Variants in CENPT observed in about 807,000 individuals in gnomAD.
The protein encoded by CENPT is centromere protein T.
CENPT carries 42 observed loss-of-function variants against 59.7 expected under a neutral mutation model. That is an observed-to-expected ratio of 0.70 (90% confidence interval 0.55 to 0.91). The LOEUF is 0.91. Ranked by LOEUF, CENPT falls within the 40% of genes least tolerant of loss-of-function variation. CENPT has a pLI of 0.00. For synonymous variants in CENPT, 295 were observed against 289.6 expected (o/e 1.02, Z -0.19); for missense variants, 716 against 713.4 (o/e 1.00, Z -0.04).
chr16:67,835,428 C>T (rs547296508), intron 2 of CENPT, 110 bp downstream of exon 2: 1 of 152,152 alleles, frequency 6.6e-6, no homozygotes, highest in African/African-American at 2.4e-5. Flanking sequence ...CTTTGGGAGG[C>T]TGAGGCGGGC....
intron 4 of CENPT, 85 bp from the exon 5 acceptor site, chr16:67,832,630 T>G: frequency 8.0e-7 from 1 of 1,253,624 alleles, no homozygotes; most frequent in Non-Finnish European, 1.1e-6. Flanking sequence ...GGGGTCTTGG[T>G]CTGGAGCCGT....
At chr16:67,830,947 T>C in intron 10 of CENPT, 1 of 541,784 alleles carries the variant, frequency 1.8e-6, no homozygotes, top group Non-Finnish European at 3.3e-6. Context: ...ACCTGGCCCC[T>C]CTCAACAAGT....
At chr16:67,836,865 C>T (rs2057737325) in intron 1 of CENPT, among the ~76,000 whole-genome samples, 1 of 152,084 alleles carries the variant, frequency 6.6e-6, no homozygotes, top group South Asian at 2.1e-4. Context: ...CCTCAGCCTC[C>T]CGAGTAGCTG....
chr16:67,845,599 C>T (rs2057792360), intron 1 of CENPT, among the ~76,000 whole-genome samples: 1 of 152,178 alleles, frequency 6.6e-6, no homozygotes, highest in South Asian at 2.1e-4. Flanking sequence ...TCCTTGAGCT[C>T]CTATTTATTG....
In CENPT at chr16:67,828,765, T is replaced by C; in HGVS notation, c.1359A>G (p.Gln453=). The part of the protein sequence containing the change: ...RPRTTGPRPR[Q]DPHKAGLSHY... The stretch of plus-strand genomic sequence containing the variant: ...GGCTCAGTCCAGCCTTGTGGGGATC[T>C]TGCCGGGGCCTGGGGCCGGTGGTCC... The change falls in exon 14 of 16, where the codon CAA becomes CAG. Residue 453 remains glutamine (Q), a synonymous_variant. Coordinates refer to ENST00000562787, the MANE Select transcript of CENPT (RefSeq NM_025082.4). The C allele has an allele frequency of 6.2e-7, 1 of 1,610,916 alleles. No homozygotes were observed. The highest frequency in any genetic ancestry group is 8.5e-7 in the Non-Finnish European group (1 of 1,179,186).
rs770581188 is a variant in CENPT, at chr16:67,831,278, C to T, written c.641G>A (p.Arg214His). The T allele has an allele frequency of 1.2e-5, 19 of 1,614,044 alleles. No homozygotes were observed. The highest frequency in any genetic ancestry group is 4.0e-5 in the African/African-American group (3 of 74,932). Residue 214 changes from arginine to histidine, a missense_variant, in exon 10 of 16, where the codon CGC (arginine) becomes CAC (histidine). Arg to His is a conservative substitution (Grantham distance 29). Coordinates refer to ENST00000562787, the MANE Select transcript of CENPT (RefSeq NM_025082.4). Reference protein sequence around the residue: ...RPGLARRPPARRAVDVGAFLR... With the variant: ...RPGLARRPPAHRAVDVGAFLR... ...AAAGGCACCCACGTCTACAGCTCGG[C>T]GGGCTGGAGGTCTGCGGGCCAAGCC...
At chr16:67,837,659 G>T (rs2057741276) in intron 1 of CENPT, among the ~76,000 whole-genome samples, 1 of 152,124 alleles carries the variant, frequency 6.6e-6, no homozygotes. Context: ...AGTCAGCCAA[G>T]ATTGCACTCC....
Position 67,829,806 on chromosome 16 carries a change from G to C in CENPT, c.1145C>G (p.Pro382Arg). 1 of 1,614,212 alleles carries C rather than the reference G, an allele frequency of 6.2e-7. No homozygotes were observed. The highest frequency in any genetic ancestry group is 8.5e-7 in the Non-Finnish European group (1 of 1,180,032). ...ATCCTCATCCCCTGAAGATGCTCCT[G>C]GCCCGTCAGCCTCAGCAGTCCCCTG... ...GSQGTAEADG[P>R]GASSGDEDAS... is the part of the protein sequence containing the mutation. Residue 382 changes from proline to arginine, a missense_variant, in exon 12 of 16, where the codon CCA becomes CGA. Pro to Arg is a moderately radical substitution (Grantham distance 103). Coordinates refer to ENST00000562787, the MANE Select transcript of CENPT (RefSeq NM_025082.4).
Position 67,832,078 on chromosome 16 carries a change from G to A in CENPT, c.320C>T (p.Ser107Leu), listed in dbSNP as rs769637001. The A allele has an allele frequency of 2.4e-5, 39 of 1,612,106 alleles. No individual in the cohort carries two copies. The highest frequency in any genetic ancestry group is 8.0e-5 in the African/African-American group (6 of 74,912). ...CGGTGCTGGCACTGGCTTCACTACC[G>A]ACTCAGGCATCAGGATGGAAGATTC... The part of the protein sequence containing the change: ...APESSILMPE[S>L]VVKPVPAPQA... The change falls in exon 7 of 16, where the codon TCG (serine) becomes TTG (leucine). Residue 107 changes from serine to leucine, a missense_variant. By Grantham distance (145) the Ser-to-Leu change is moderately radical. Transcript: ENST00000562787.
chr16:67,845,366 C>T (rs2057790282), intron 1 of CENPT, among the ~76,000 whole-genome samples: 1 of 152,158 alleles, frequency 6.6e-6, no homozygotes, highest in South Asian at 2.1e-4. Context: ...CTTCTAGTCC[C>T]TTAGCACTGA....
chr16:67,846,789 G>T (rs1237427620), intron 1 of CENPT: 1 of 152,366 alleles, frequency 6.6e-6, no homozygotes, highest in African/African-American at 2.4e-5. Context: ...GCTGCGGGCC[G>T]TGTCTGGGCC....
At position 67,842,481 on chromosome 16, in the gene CENPT, G is replaced by C; in HGVS notation, c.-492+4920C>G. 2 of 1,206,258 alleles carry C rather than the reference G, an allele frequency of 1.7e-6. No individual in the cohort carries two copies. Among genetic ancestry groups the C allele is most frequent in the Non-Finnish European group, 2.1e-6 (2 of 954,772 alleles). The allele number at this position is 1,206,258 out of a possible 1,614,324, so 74.7% of individuals were successfully genotyped here. A position where few individuals can be genotyped will look rare whatever the true frequency, so the allele number is the denominator to read the frequency against. On this transcript the variant is annotated intron_variant, in intron 1 of 15. Transcript: ENST00000562787. This position sits in a 1 kb window ranked among gnomAD's most constrained non-coding sequence, Gnocchi z 4.9. ...GCGCGGCGCCGCCCGTCGAGGGGCG[G>C]GCGGCGGCGTAGCCACTGGGCCGTC...
chr16:67,839,639 G>C (rs985639525), intron 1 of CENPT, among the ~76,000 whole-genome samples: 1 of 152,018 alleles, frequency 6.6e-6, no homozygotes, highest in Non-Finnish European at 1.5e-5. Context: ...TTGGGAGGCC[G>C]AGGTGGGTGG....
rs756818803 is a variant in CENPT at position 67,843,058 on chromosome 16, G to A, written c.-492+4343C>T. Reference sequence around the variant, plus strand: ...TTCAGGCCACTGTAGACAGCAGTCAGGCTCCGGGATCCGTACAGCCGGCGC... The same window carrying A: ...TTCAGGCCACTGTAGACAGCAGTCAAGCTCCGGGATCCGTACAGCCGGCGC... On this transcript the variant is annotated intron_variant, in intron 1 of 15. Transcript: ENST00000562787. This position sits in a 1 kb window ranked among gnomAD's most constrained non-coding sequence, Gnocchi z 5.7. 9.9e-6 allele frequency: 16 copies of A among 1,612,130 alleles called. No homozygotes were observed. Among genetic ancestry groups the A allele is most frequent in the Non-Finnish European group, 1.4e-5 (16 of 1,180,034 alleles).
intron 12 of CENPT, 109 bp from the exon 13 acceptor site, chr16:67,829,625 C>T: frequency 7.5e-7 from 1 of 1,324,882 alleles, no homozygotes; most frequent in Non-Finnish European, 1.0e-6. Flanking sequence ...CACCTAGCTC[C>T]AGCCAAGCAG....
At chr16:67,837,944 G>A (rs976836521) in intron 1 of CENPT, among the ~76,000 whole-genome samples, 1 of 152,166 alleles carries the variant, frequency 6.6e-6, no homozygotes, top group Non-Finnish European at 1.5e-5. Flanking sequence ...TTAAGCAGAG[G>A]TATGACATAT....
Position 67,842,984 on chromosome 16 carries a change from C to T in CENPT, c.-492+4417G>A, listed in dbSNP as rs1377755000. 1 of 1,612,340 alleles carries T rather than the reference C, an allele frequency of 6.2e-7. No homozygotes were observed. The highest frequency in any genetic ancestry group is 1.3e-5 in the African/African-American group (1 of 75,038). On this transcript the variant is annotated intron_variant, in intron 1 of 15. Transcript: ENST00000562787. This position sits in a 1 kb window ranked among gnomAD's most constrained non-coding sequence, Gnocchi z 4.9. ...CTCTGCCTCCACTGCCCAGACTGCC[C>T]AGCTGCAGCCGAACCTGGTATCTGC... is the stretch of plus-strand genomic sequence containing the variant.
chr16:67,839,169 A>ACC, intron 1 of CENPT, among the ~76,000 whole-genome samples: 1 of 151,534 alleles, frequency 6.6e-6, no homozygotes, highest in South Asian at 2.1e-4. Context: ...GGTGGATTGC[A>ACC]TGAGGTCAGG....
Position 67,842,405 on chromosome 16 carries a change from G to A in CENPT, c.-492+4996C>T, listed in dbSNP as rs1347701852. On this transcript the variant is annotated intron_variant, in intron 1 of 15. Transcript: ENST00000562787. The surrounding 1 kb of genome is among the most constrained non-coding windows in gnomAD (Gnocchi z 4.9). Reference sequence around the variant, plus strand: ...AAGCGTATTCTGGGCACGGGGCGCCGGGCGGGCCGGCTGCGCCGAGCGGCA... The same window carrying A: ...AAGCGTATTCTGGGCACGGGGCGCCAGGCGGGCCGGCTGCGCCGAGCGGCA... 3.5e-5 allele frequency: 15 copies of A among 428,808 alleles called. No homozygotes were observed. Among genetic ancestry groups the A allele is most frequent in the Non-Finnish European group, 4.9e-5 (14 of 287,692 alleles). The allele number at this position is 428,808 out of a possible 1,614,324, so 26.6% of individuals were successfully genotyped here.
Sources: allele counts gnomAD v4.1 joint callset (sites outside exome capture counted in the v4.1 genomes callset), GRCh38; gene constraint gnomAD v4.1.1; non-coding constraint Gnocchi (gnomAD v3.1); transcripts MANE v1.5; gene names NCBI Gene and HGNC (gene_info 2026-07-23, HGNC 2026-07-21).